The following FLYWCH2 variants were observed in gnomAD, a reference collection of about 807,000 sequenced individuals.
FLYWCH2 encodes the protein FLYWCH family member 2.
In FLYWCH2, 2 loss-of-function variants were observed where a neutral mutation model predicts 6.0. The ratio of observed to expected loss-of-function variants is 0.33; its 90% CI spans 0.14 to 1.04. FLYWCH2 has a LOEUF of 1.04. FLYWCH2 is among the 50% of genes least tolerant of loss of function. The pLI is 0.45. For missense variants in FLYWCH2, 192 were observed against 183.4 expected, an observed-to-expected ratio of 1.05 and a Z score of -0.27; for synonymous variants, 87 against 79.3, an observed-to-expected ratio of 1.10 and a Z score of -0.52.
At chr16:2,889,834 A>T (rs1183067193) in intron 1 of FLYWCH2, among the ~76,000 whole-genome samples, 1 of 152,138 alleles carries the variant, frequency 6.6e-6, no homozygotes, top group Non-Finnish European at 1.5e-5. Context: ...ACCTGTAATC[A>T]AGAACTTTGG....
chr16:2,885,466 C>G (rs2069688563), intron 1 of FLYWCH2, among the ~76,000 whole-genome samples: 1 of 152,220 alleles, frequency 6.6e-6, no homozygotes, highest in African/African-American at 2.4e-5. Context: ...CTCATTCTCC[C>G]CTTCCCCACC....
chr16:2,885,666 C>G (rs2069690655), intron 1 of FLYWCH2, among the ~76,000 whole-genome samples: 1 of 152,086 alleles, frequency 6.6e-6, no homozygotes, highest in Non-Finnish European at 1.5e-5. Context: ...TTTTTACTGC[C>G]AAATAATATT....
intron 1 of FLYWCH2, among the ~76,000 whole-genome samples, chr16:2,889,950 T>A (rs2069737484): frequency 6.6e-6 from 1 of 152,040 alleles, no homozygotes; most frequent in Non-Finnish European, 1.5e-5. Flanking sequence ...CCAGGCGTAG[T>A]GGTGCGTGTC....
intron 2 of FLYWCH2, among the ~76,000 whole-genome samples, 155 bp from the exon 3 acceptor site, chr16:2,896,197 C>G (rs1343876624): frequency 2.0e-5 from 3 of 152,180 alleles, no homozygotes; most frequent in Non-Finnish European, 2.9e-5. Context: ...AGGAGAGGAA[C>G]TGGCAGAGCA....
intron 1 of FLYWCH2, among the ~76,000 whole-genome samples, chr16:2,894,703 G>A (rs1209897450): frequency 1.3e-5 from 2 of 152,330 alleles, no homozygotes; most frequent in South Asian, 2.1e-4. Flanking sequence ...CCACCCCCTC[G>A]AGAAGGTGCC....
intron 2 of FLYWCH2, among the ~76,000 whole-genome samples, chr16:2,896,084 G>C (rs1596339297): frequency 6.6e-6 from 1 of 152,252 alleles, no homozygotes; most frequent in African/African-American, 2.4e-5. Flanking sequence ...TGAGTTCTTA[G>C]TCCATTAGTC....
rs759386532 is a variant in FLYWCH2 at position 2,896,566 on chromosome 16, C to T, written c.117C>T (p.Phe39=). 8.1e-6 allele frequency: 13 copies of T among 1,614,200 alleles called. No homozygotes were observed. Among genetic ancestry groups the T allele is most frequent in the South Asian group, 6.6e-5 (6 of 91,090 alleles). The stretch of plus-strand genomic sequence containing the variant: ...CAGCCCCCAGGAAGCCCAGAAAGTT[C>T]TCCAAACTGGTCCTGCTCACAGCCT... The part of the protein sequence containing the change: ...IPAAPRKPRK[F]SKLVLLTASK... Residue 39 remains phenylalanine (F), a synonymous_variant, in exon 3 of 4, where the codon TTC becomes TTT. Transcript: ENST00000396958.
At chr16:2,896,316 C>A (rs1252542525) in intron 2 of FLYWCH2, 36 bp from the exon 3 acceptor site, 2 of 1,191,294 alleles carry the variant, frequency 1.7e-6, no homozygotes, top group African/African-American at 1.5e-5. Context: ...CTCCCAAGGG[C>A]TTCCACCACT....
Position 2,895,202 on chromosome 16 carries a change from T to A in FLYWCH2, c.-199-18T>A, listed in dbSNP as rs2069804818. ...CTTGCCCCTACAGGGTTACAACCCATCCTTTCTGCTTCTCCAGGCCAGAAG... is the reference window on the plus strand; with the variant it reads ...CTTGCCCCTACAGGGTTACAACCCAACCTTTCTGCTTCTCCAGGCCAGAAG... On this transcript the variant is annotated intron_variant, in intron 1 of 3. Coordinates refer to ENST00000396958, the MANE Select transcript of FLYWCH2 (RefSeq NM_138439.3). The A allele has an allele frequency of 6.6e-6, 1 of 152,270 alleles. No individual in the cohort carries two copies. Among genetic ancestry groups the A allele is most frequent in the Non-Finnish European group, 1.5e-5 (1 of 68,142 alleles). 9.4% of individuals were successfully genotyped at this position (152,270 alleles called of 1,614,324 possible).
In FLYWCH2 at chr16:2,896,528, G is replaced by A; in HGVS notation, c.79G>A (p.Glu27Lys). The A allele has an allele frequency of 6.2e-7, 1 of 1,614,158 alleles. No homozygotes were observed. ...GGAGCCATCCCCCAAGCCAGGCACA[G>A]AAGTCATCCCGGCAGCCCCCAGGAA... ...SQEPSPKPGTEVIPAAPRKPR... is the reference protein window; with the variant it reads ...SQEPSPKPGTKVIPAAPRKPR... Residue 27 changes from glutamate (E) to lysine (K), a missense_variant, in exon 3 of 4, where the codon GAA becomes AAA. Glu to Lys is a moderately conservative substitution (Grantham distance 56). Transcript: ENST00000396958.
intron 1 of FLYWCH2, among the ~76,000 whole-genome samples, chr16:2,884,886 CAAA>C (rs151316276): frequency 4.1e-5 from 6 of 146,848 alleles, no homozygotes; most frequent in Non-Finnish European, 9.0e-5. Flanking sequence ...AAAACAAAAA[CAAA>C]AAAAAAACTC....
At chr16:2,884,563 A>AAAAAAAAAAAAAC (rs1567301714) in intron 1 of FLYWCH2, among the ~76,000 whole-genome samples, 1 of 141,800 alleles carries the variant, frequency 7.1e-6, no homozygotes, top group African/African-American at 2.6e-5. Context: ...TCTACTAAAA[A>AAAAAAAAAAAAAC]AAAAAAAAAA....
At chr16:2,897,401 G>T (rs2069835856) in intron 3 of FLYWCH2, among the ~76,000 whole-genome samples, 1 of 152,214 alleles carries the variant, frequency 6.6e-6, no homozygotes, top group Non-Finnish European at 1.5e-5. Context: ...GGAGAGTGGG[G>T]CTGGGGGTGT....
In FLYWCH2 at chr16:2,899,218, C is replaced by T; in HGVS notation, c.*69C>T. 9.6e-7 allele frequency: 1 copy of T among 1,039,328 alleles called. No homozygotes were observed. The highest frequency in any genetic ancestry group is 2.9e-5 in the East Asian group (1 of 34,758). The allele number at this position is 1,039,328 out of a possible 1,614,324, so 64.4% of individuals were successfully genotyped here. A position where few individuals can be genotyped will look rare whatever the true frequency, so the allele number is the denominator to read the frequency against. ...AGGCTCTTCTCTGTCCGCAGGGCTT[C>T]TGGGGCCAAATGGGTGAATCTTTGC... is the stretch of plus-strand genomic sequence containing the variant. On this transcript the variant is annotated 3_prime_UTR_variant, in exon 4 of 4. Transcript: ENST00000396958.
chr16:2,892,584 G>A (rs1233285907), intron 1 of FLYWCH2, among the ~76,000 whole-genome samples: 1 of 151,626 alleles, frequency 6.6e-6, no homozygotes, highest in Non-Finnish European at 1.5e-5. Flanking sequence ...AGTGGCTCAT[G>A]CCTGTAATCC....
chr16:2,898,467 C>G (rs781427035), intron 3 of FLYWCH2, among the ~76,000 whole-genome samples: 4 of 152,186 alleles, frequency 2.6e-5, no homozygotes, highest in Non-Finnish European at 5.9e-5. Flanking sequence ...AGTCGCCACT[C>G]TGAGGCCACC....
intron 1 of FLYWCH2, among the ~76,000 whole-genome samples, chr16:2,883,699 C>T (rs1308959042): frequency 1.3e-5 from 2 of 152,198 alleles, no homozygotes; most frequent in Admixed American, 1.3e-4. Flanking sequence ...GGTTGCAGCT[C>T]GGGAGGTCCC....
chr16:2,897,345 C>A (rs1859254), intron 3 of FLYWCH2, among the ~76,000 whole-genome samples: 5,117 of 152,278 alleles, frequency 0.034, 282 homozygotes, highest in African/African-American at 0.12. Flanking sequence ...AATCACCCCC[C>A]ACCAAGCCTC....
At position 2,899,286 on chromosome 16, in the gene FLYWCH2, A is replaced by G. The variant is rs1407074147; in HGVS notation, c.*137A>G. 41 of 421,280 alleles carry G rather than the reference A, an allele frequency of 9.7e-5. No homozygotes were observed. In the East Asian group the frequency reaches 1.5e-3, roughly 15 times the overall value. The allele number at this position is 421,280 out of a possible 1,614,324, so 26.1% of individuals were successfully genotyped here. A position where few individuals can be genotyped will look rare whatever the true frequency, so the allele number is the denominator to read the frequency against. On this transcript the variant is annotated 3_prime_UTR_variant, in exon 4 of 4. Transcript: ENST00000396958. ...TTCTTTTCTTTTTTTTTTTTTTTTT[A>G]GATCAAGTATAAGTTACTTTTGTAA... is the stretch of plus-strand genomic sequence containing the variant.
Sources: allele counts gnomAD v4.1 joint callset (sites outside exome capture counted in the v4.1 genomes callset), GRCh38; gene constraint gnomAD v4.1.1; transcripts MANE v1.5; gene names NCBI Gene and HGNC (gene_info 2026-07-23, HGNC 2026-07-21).